Variants in B3GALT1 observed in about 807,000 individuals in gnomAD.
The protein encoded by B3GALT1 is UDP-Gal:betaGlcNAc beta 1,3-galactosyltransferase, polypeptide 1.
B3GALT1 carries 10 observed loss-of-function variants against 23.2 expected under a neutral mutation model. That is an observed-to-expected ratio of 0.43 (90% CI 0.27 to 0.73). B3GALT1 has a LOEUF of 0.73. B3GALT1 is among the 30% of genes least tolerant of loss of function. The pLI is 0.21. For missense variants in B3GALT1, 299 were observed against 405.4 expected (o/e 0.74, Z 2.25); for synonymous variants, 156 against 141.5 (o/e 1.10, Z -0.73).
intron 2 of B3GALT1, among the ~76,000 whole-genome samples, chr2:167,512,580 G>GTATATATATATGTATATATATATATGTA (rs1700030400): frequency 1.1e-4 from 5 of 47,044 alleles, no homozygotes; most frequent in Admixed American, 2.4e-4. Context: ...ATATATATAT[G>GTATATATATATGTATATATATATATGTA]TATATATATA....
intron 1 of B3GALT1, among the ~76,000 whole-genome samples, chr2:167,433,540 C>T (rs1698736080): frequency 6.6e-6 from 1 of 152,028 alleles, no homozygotes; most frequent in Non-Finnish European, 1.5e-5. Context: ...TAAAATGGAG[C>T]CCTCTCAGAG....
intron 3 of B3GALT1, among the ~76,000 whole-genome samples, chr2:167,678,107 G>T (rs1327571066): frequency 6.6e-6 from 1 of 152,058 alleles, no homozygotes; most frequent in Non-Finnish European, 1.5e-5. Flanking sequence ...CAATCACCCA[G>T]GTAAATACCT....
intron 1 of B3GALT1, among the ~76,000 whole-genome samples, chr2:167,326,832 G>C (rs1346049475): frequency 6.6e-6 from 1 of 152,038 alleles, no homozygotes; most frequent in Non-Finnish European, 1.5e-5. Context: ...TGGGATTACA[G>C]ACATTCACCA....
In B3GALT1 at chr2:167,482,042, AG is replaced by A. The variant is rs369760313; in HGVS notation, c.-510-8134del. ...CAACCTAACAGCTGTTATTTTCCCAAGATACAGTTAGCTGTAGAAGGGTAGG... is the reference window on the plus strand; with the variant it reads ...CAACCTAACAGCTGTTATTTTCCCAAATACAGTTAGCTGTAGAAGGGTAGG... On this transcript the variant is annotated intron_variant, in intron 1 of 4. Coordinates refer to ENST00000392690, the MANE Select transcript of B3GALT1 (RefSeq NM_020981.4). Among the ~76,000 whole-genome samples the A allele has an allele frequency of 2.4e-3, 362 of 152,324 alleles. 1 individual carries two copies. Among genetic ancestry groups the A allele is most frequent in the African/African-American group, 8.3e-3 (343 of 41,570 alleles).
At chr2:167,553,477 C>CAGA (rs1683785659) in intron 2 of B3GALT1, among the ~76,000 whole-genome samples, 1 of 151,882 alleles carries the variant, frequency 6.6e-6, no homozygotes, top group South Asian at 2.1e-4. Context: ...TATGGGACCC[C>CAGA]TGGCTACTGG....
At chr2:167,558,484 C>T (rs1683895871) in intron 2 of B3GALT1, among the ~76,000 whole-genome samples, 1 of 152,090 alleles carries the variant, frequency 6.6e-6, no homozygotes, top group Admixed American at 6.5e-5. Flanking sequence ...ACACCATGCG[C>T]CAGCTGAAGC....
At chr2:167,547,882 C>T (rs183466570) in intron 2 of B3GALT1, among the ~76,000 whole-genome samples, 2 of 152,108 alleles carry the variant, frequency 1.3e-5, no homozygotes, top group Non-Finnish European at 2.9e-5. Flanking sequence ...TCAACAATCT[C>T]TAAATGACAA....
chr2:167,802,795 T>C (rs1688662275), intron 3 of B3GALT1, among the ~76,000 whole-genome samples: 1 of 152,202 alleles, frequency 6.6e-6, no homozygotes, highest in Non-Finnish European at 1.5e-5. Context: ...GACAGCTCTT[T>C]CTTAATGTTT....
At chr2:167,443,896 A>G (rs1698937988) in intron 1 of B3GALT1, among the ~76,000 whole-genome samples, 1 of 152,176 alleles carries the variant, frequency 6.6e-6, no homozygotes, top group Admixed American at 6.5e-5. Context: ...CAGAATTTCC[A>G]ACACTATGTT....
At chr2:167,657,819 A>G (rs1403492401) in intron 3 of B3GALT1, among the ~76,000 whole-genome samples, 1 of 152,118 alleles carries the variant, frequency 6.6e-6, no homozygotes, top group Non-Finnish European at 1.5e-5. Context: ...TATAATATAA[A>G]AATCATTAAA....
Position 167,744,281 on chromosome 2 carries a change from T to C in B3GALT1, c.-351-74391T>C, listed in dbSNP as rs566380708. On this transcript the variant is annotated intron_variant, in intron 3 of 4. Coordinates refer to ENST00000392690, the MANE Select transcript of B3GALT1 (RefSeq NM_020981.4). The stretch of plus-strand genomic sequence containing the variant: ...TCATATATTCATCATTTTTATCTGC[T>C]TCATCTATTAATTGAAAGGGTTGTA... 3.3e-5 allele frequency among the ~76,000 whole-genome samples: 5 copies of C among 152,312 alleles called. No individual in the cohort carries two copies. The East Asian group carries it at 9.6e-4, about 29-fold the overall frequency.
intron 3 of B3GALT1, among the ~76,000 whole-genome samples, chr2:167,652,435 G>A (rs1353207082): frequency 6.6e-6 from 1 of 152,184 alleles, no homozygotes; most frequent in Admixed American, 6.5e-5. Flanking sequence ...CAAGCTTGCA[G>A]CATTGTGAGA....
chr2:167,742,279 T>G (rs55746385), intron 3 of B3GALT1, among the ~76,000 whole-genome samples: 5 of 152,134 alleles, frequency 3.3e-5, no homozygotes, highest in African/African-American at 9.6e-5. Flanking sequence ...CTTGGCTGTT[T>G]CCTGCCTGAT....
chr2:167,670,522 C>A (rs1215042867), intron 3 of B3GALT1, among the ~76,000 whole-genome samples: 1 of 152,124 alleles, frequency 6.6e-6, no homozygotes, highest in Non-Finnish European at 1.5e-5. Flanking sequence ...AAGCATGATA[C>A]CACCAAAGTA....
rs1477086100 is a variant in B3GALT1 at position 167,822,112 on chromosome 2, A to C, written c.-230+3319A>C. 5.3e-5 allele frequency among the ~76,000 whole-genome samples: 8 copies of C among 151,742 alleles called. No homozygotes were observed. In the East Asian group the frequency reaches 1.5e-3, roughly 29 times the overall value. On this transcript the variant is annotated intron_variant, in intron 4 of 4. Coordinates refer to ENST00000392690, the MANE Select transcript of B3GALT1 (RefSeq NM_020981.4). ...AGGAAGAGGTCTTCTCCCTCTAAAA[A>C]CCCTGCTTTTTCCTCTTTATTATGT...
intron 4 of B3GALT1, among the ~76,000 whole-genome samples, chr2:167,846,356 C>T (rs1027185599): frequency 1.3e-5 from 2 of 152,124 alleles, no homozygotes; most frequent in African/African-American, 4.8e-5. Flanking sequence ...ACAGAAGCAC[C>T]AGGTAACCTA....
chr2:167,721,761 G>A (rs1216695417), intron 3 of B3GALT1, among the ~76,000 whole-genome samples: 2 of 152,208 alleles, frequency 1.3e-5, no homozygotes, highest in African/African-American at 2.4e-5. Context: ...GCTACCTAGG[G>A]CTCTGAGCGT....
chr2:167,805,081 T>C (rs1688723466), intron 3 of B3GALT1, among the ~76,000 whole-genome samples: 1 of 152,238 alleles, frequency 6.6e-6, no homozygotes. Context: ...TGGCCAGTGA[T>C]GATGAGCATT....
At chr2:167,654,347 A>G (rs1171175096) in intron 3 of B3GALT1, among the ~76,000 whole-genome samples, 2 of 152,142 alleles carry the variant, frequency 1.3e-5, no homozygotes, top group Admixed American at 1.3e-4. Context: ...CTGACCTCTG[A>G]GACTTCACCC....
Sources: gnomAD v4.1 joint callset for allele counts (sites outside exome capture counted in the v4.1 genomes callset) on GRCh38, gnomAD v4.1.1 for gene constraint, MANE v1.5 for transcripts, NCBI Gene and HGNC (gene_info 2026-07-23, HGNC 2026-07-21) for gene names.